Variants in TBC1D1 observed in about 807,000 individuals in gnomAD.
TBC1D1 encodes the protein TBC1 domain family member 1, also known as TBC1 (tre-2/USP6, BUB2, cdc16) domain family, member 1.
In TBC1D1, 89 loss-of-function variants were observed where a neutral mutation model predicts 125.6. The ratio of observed to expected loss-of-function variants is 0.71; its 90% CI spans 0.60 to 0.85. TBC1D1 has a LOEUF of 0.85. Among genes scored for constraint, TBC1D1 ranks in the 40% least tolerant of loss-of-function variants. TBC1D1 has a pLI of 0.00. For missense variants in TBC1D1, 1,377 were observed against 1,469.2 expected (o/e 0.94, Z 1.03); for synonymous variants, 565 against 564.1 (o/e 1.00, Z -0.02).
In TBC1D1 at chr4:38,130,618, T is replaced by C. The variant is rs114180710; in HGVS notation, c.3133-2466T>C. Among the ~76,000 whole-genome samples the C allele has an allele frequency of 9.7e-3, 1,476 of 152,190 alleles. 23 individuals carry two copies. Among genetic ancestry groups the C allele is most frequent in the African/African-American group, 0.033 (1,388 of 41,510 alleles). ...GAAAGAAGATGAGAGCCAGTCCCCC[T>C]TGCAGAGGGGCCAGGTACCTTGCAG... On this transcript the variant is annotated intron_variant, in intron 18 of 19. Transcript: ENST00000261439.
At chr4:38,051,477 A>G (rs1015420147) in intron 11 of TBC1D1, among the ~76,000 whole-genome samples, 25 of 152,294 alleles carry the variant, frequency 1.6e-4, no homozygotes, top group African/African-American at 5.8e-4. Context: ...AAAATAGAGA[A>G]AGAAATATTA....
At chr4:37,934,977 G>A (rs1333895037) in intron 2 of TBC1D1, among the ~76,000 whole-genome samples, 1 of 152,108 alleles carries the variant, frequency 6.6e-6, no homozygotes, top group African/African-American at 2.4e-5. Flanking sequence ...GAACATTGCT[G>A]CTTGAAATGG....
chr4:38,003,127 T>C (rs557962333), intron 2 of TBC1D1, among the ~76,000 whole-genome samples: 1 of 152,338 alleles, frequency 6.6e-6, no homozygotes, highest in South Asian at 2.1e-4. Flanking sequence ...GGAGCTTTCA[T>C]TCGATTTGGT....
intron 10 of TBC1D1, 129 bp downstream of exon 10, chr4:38,046,032 G>C: frequency 1.3e-6 from 1 of 759,710 alleles, no homozygotes. Context: ...GTGGAGGACT[G>C]GTCATGCAGT....
At position 38,108,673 on chromosome 4, in the gene TBC1D1, T is replaced by C. The variant is rs1449904241; in HGVS notation, c.2557+5516T>C. 3.3e-5 allele frequency among the ~76,000 whole-genome samples: 5 copies of C among 152,216 alleles called. No individual in the cohort carries two copies. The East Asian group carries it at 9.6e-4, about 29-fold the overall frequency. On this transcript the variant is annotated intron_variant, in intron 15 of 19. Transcript: ENST00000261439. ...TGGGTCACGGGTCCAGCAGCAGAGC[T>C]GTCATGTTGATTGTTTGCTTCTACT...
intron 19 of TBC1D1, among the ~76,000 whole-genome samples, chr4:38,133,904 C>G (rs1457899492): frequency 1.3e-5 from 2 of 152,146 alleles, no homozygotes; most frequent in African/African-American, 4.8e-5. Context: ...CCAGCATCAC[C>G]CCCACCCCCA....
chr4:38,101,358 C>G (rs942612259), intron 14 of TBC1D1, among the ~76,000 whole-genome samples: 2 of 152,192 alleles, frequency 1.3e-5, no homozygotes, highest in Non-Finnish European at 2.9e-5. Context: ...ATTCTTCAGT[C>G]TTCTTGCTCT....
At chr4:37,913,867 C>A (rs1719159484) in intron 2 of TBC1D1, among the ~76,000 whole-genome samples, 1 of 151,974 alleles carries the variant, frequency 6.6e-6, no homozygotes, top group South Asian at 2.1e-4. Flanking sequence ...TGTCACGAGC[C>A]ACCTAGAGCT....
At chr4:37,924,160 G>A (rs577490269) in intron 2 of TBC1D1, among the ~76,000 whole-genome samples, 5 of 152,080 alleles carry the variant, frequency 3.3e-5, no homozygotes, top group African/African-American at 1.2e-4. Flanking sequence ...GCTCTAACTG[G>A]TGTCACTGCC....
chr4:38,005,961 C>T (rs769198677), intron 2 of TBC1D1, among the ~76,000 whole-genome samples: 1 of 151,938 alleles, frequency 6.6e-6, no homozygotes, highest in Non-Finnish European at 1.5e-5. Context: ...TGTGTAGATA[C>T]TTTGCAAATT....
intron 2 of TBC1D1, among the ~76,000 whole-genome samples, chr4:37,922,642 A>G (rs978740255): frequency 7.2e-5 from 11 of 152,140 alleles, no homozygotes; most frequent in South Asian, 6.2e-4. Flanking sequence ...TTCTGTTTCT[A>G]TCTAGCTTCC....
chr4:38,010,660 C>T (rs1002477553), intron 2 of TBC1D1, among the ~76,000 whole-genome samples: 8 of 152,232 alleles, frequency 5.3e-5, no homozygotes, highest in African/African-American at 9.6e-5. Context: ...CTGGGTACCA[C>T]GCCCCATCTT....
chr4:38,119,840 A>T, intron 17 of TBC1D1: 1 of 514,128 alleles, frequency 1.9e-6, no homozygotes, highest in South Asian at 8.4e-5. Context: ...AATTCTACCA[A>T]GGCAACCAGG....
intron 2 of TBC1D1, among the ~76,000 whole-genome samples, chr4:38,009,864 G>A (rs1741104073): frequency 1.3e-5 from 2 of 152,100 alleles, no homozygotes; most frequent in African/African-American, 4.8e-5. Context: ...TTAAAACTAA[G>A]CCCCACACCC....
intron 17 of TBC1D1, among the ~76,000 whole-genome samples, chr4:38,120,630 T>A (rs1763692256): frequency 6.6e-6 from 1 of 152,270 alleles, no homozygotes. Context: ...GCATTAAGTA[T>A]GTATCTGCTC....
intron 11 of TBC1D1, among the ~76,000 whole-genome samples, chr4:38,052,724 G>GTGCACACACACACACACA (rs1362899510): frequency 1.7e-5 from 1 of 59,962 alleles, no homozygotes; most frequent in Non-Finnish European, 3.6e-5. Flanking sequence ...GCGCGCGCGC[G>GTGCACACACACACACACA]CGCGCACACA....
At chr4:38,065,927 G>A (rs1172722701) in intron 12 of TBC1D1, among the ~76,000 whole-genome samples, 2 of 152,188 alleles carry the variant, frequency 1.3e-5, no homozygotes, top group Non-Finnish European at 2.9e-5. Flanking sequence ...TGGGATTATA[G>A]GCGTGGGTCA....
intron 12 of TBC1D1, among the ~76,000 whole-genome samples, chr4:38,081,225 G>C (rs1049900460): frequency 3.3e-5 from 5 of 152,140 alleles, no homozygotes; most frequent in African/African-American, 1.2e-4. Context: ...TCTTGTGTTT[G>C]TTTTCTGTGC....
At chr4:38,002,165 A>G (rs1260599969) in intron 2 of TBC1D1, among the ~76,000 whole-genome samples, 2 of 152,178 alleles carry the variant, frequency 1.3e-5, no homozygotes, top group Non-Finnish European at 2.9e-5. Flanking sequence ...CTAATCCCAT[A>G]TAGTCAGCAG....
Sources: allele counts gnomAD v4.1 joint callset (sites outside exome capture counted in the v4.1 genomes callset), GRCh38; gene constraint gnomAD v4.1.1; transcripts MANE v1.5; gene names NCBI Gene and HGNC (gene_info 2026-07-23, HGNC 2026-07-21).